WNT5A: variants seen among roughly 807,000 people sequenced by gnomAD.
The protein encoded by WNT5A is Wnt family member 5A.
In WNT5A, 9 loss-of-function variants were observed where a neutral mutation model predicts 42.1. That is an observed-to-expected ratio of 0.21 (90% CI 0.13 to 0.37). The LOEUF is 0.37. Among genes scored for constraint, WNT5A ranks in the 10% least tolerant of loss-of-function variants. WNT5A has a pLI of 1.00. For synonymous variants in WNT5A, 210 were observed against 210.0 expected, an observed-to-expected ratio of 1.00 and a Z score of 0.00; for missense variants, 426 against 534.0, an observed-to-expected ratio of 0.80 and a Z score of 1.99.
chr3:55,481,463 G>A, intron 1 of WNT5A: 1 of 872,136 alleles, frequency 1.1e-6, no homozygotes, highest in Non-Finnish European at 1.4e-6. Flanking sequence ...GATGGGGGCA[G>A]GACGCGGGAG....
At chr3:55,497,458 T>G in the WNT5A span, 12 of 152,232 alleles carry the variant, frequency 7.9e-5, no homozygotes, top group Non-Finnish European at 1.8e-4. Flanking sequence ...ATCCAACAGA[T>G]GAGGCACTTT....
At chr3:55,479,191 G>A in intron 3 of WNT5A, 123 bp downstream of exon 3, 2 of 1,132,724 alleles carry the variant, frequency 1.8e-6, no homozygotes. Context: ...AAATGCCCAA[G>A]CCACCACCCG....
chr3:55,487,369 C>T (rs988103792), upstream of WNT5A: 2 of 282,700 alleles, frequency 7.1e-6, no homozygotes, highest in East Asian at 1.4e-4. Context: ...GCTTTCCAAC[C>T]CCAAATGTGG....
the WNT5A span, among the ~76,000 whole-genome samples, chr3:55,500,087 A>C: frequency 1.3e-5 from 2 of 152,168 alleles, no homozygotes; most frequent in Non-Finnish European, 2.9e-5. Context: ...TGTACCAGGC[A>C]GGGCCACAGA....
rs2051419575 is a variant in WNT5A, at chr3:55,479,579, G to A, written c.141-15C>T. Reference sequence around the variant, plus strand: ...TACCTAGCGACCTGCAAGGGGGGGAGATGTGCATTCAAGATTTACGTGAAA... The same window carrying A: ...TACCTAGCGACCTGCAAGGGGGGGAAATGTGCATTCAAGATTTACGTGAAA... On this transcript the variant is annotated splice_polypyrimidine_tract_variant and intron_variant, in intron 2 of 4. Coordinates refer to ENST00000264634, the MANE Select transcript of WNT5A (RefSeq NM_003392.7). 6.4e-7 allele frequency: 1 copy of A among 1,561,968 alleles called. No individual in the cohort carries two copies. The highest frequency in any genetic ancestry group is 1.4e-5 in the African/African-American group (1 of 73,536).
rs749209503 is a variant in WNT5A at position 55,474,327 on chromosome 3, C to T, written c.684+10G>A. ...AGAGATGCGGGGCGGGGGCGAGACGCGGCACTCACCCTGCGGCCGGCCTCG... is the reference window on the plus strand; with the variant it reads ...AGAGATGCGGGGCGGGGGCGAGACGTGGCACTCACCCTGCGGCCGGCCTCG... On this transcript the variant is annotated intron_variant, in intron 4 of 4. Transcript: ENST00000264634. 3.1e-6 allele frequency: 5 copies of T among 1,612,558 alleles called. No individual in the cohort carries two copies. Among genetic ancestry groups the T allele is most frequent in the Admixed American group, 1.7e-5 (1 of 59,984 alleles).
chr3:55,495,510 T>C (rs2051706405), upstream of WNT5A, among the ~76,000 whole-genome samples: 1 of 152,234 alleles, frequency 6.6e-6, no homozygotes, highest in Admixed American at 6.5e-5. Context: ...TCTCAAATGA[T>C]AAGATTTTCT....
chr3:55,504,591 A>C, the WNT5A span, among the ~76,000 whole-genome samples: 1 of 151,646 alleles, frequency 6.6e-6, no homozygotes, highest in Non-Finnish European at 1.5e-5. Flanking sequence ...CACCCTCCCG[A>C]GTAGCTGAGA....
chr3:55,486,551 C>A (rs2051582571), intron 1 of WNT5A, among the ~76,000 whole-genome samples: 1 of 152,222 alleles, frequency 6.6e-6, no homozygotes, highest in Admixed American at 6.5e-5. Flanking sequence ...TTCCCCATCC[C>A]GAGCCCCGGC....
At chr3:55,503,194 G>A in the WNT5A span, among the ~76,000 whole-genome samples, 2 of 152,340 alleles carry the variant, frequency 1.3e-5, no homozygotes, top group Admixed American at 6.5e-5. Context: ...TGGGATCTGA[G>A]CAAGGACCAG....
At chr3:55,500,653 A>G in the WNT5A span, among the ~76,000 whole-genome samples, 1 of 152,204 alleles carries the variant, frequency 6.6e-6, no homozygotes, top group Non-Finnish European at 1.5e-5. Context: ...AAAGTCTATG[A>G]ATTACTGAAG....
chr3:55,504,853 A>G, the WNT5A span, among the ~76,000 whole-genome samples: 1 of 152,210 alleles, frequency 6.6e-6, no homozygotes, highest in African/African-American at 2.4e-5. Context: ...CACAAACTGA[A>G]CATGATCATG....
rs188798140 is a variant in WNT5A at position 55,479,572 on chromosome 3, G to T, written c.141-8C>A. The T allele has an allele frequency of 2.9e-5, 45 of 1,569,748 alleles. No individual in the cohort carries two copies. In the Middle Eastern group the frequency reaches 5.1e-4, roughly 18 times the overall value. On this transcript the variant is annotated splice_polypyrimidine_tract_variant and splice_region_variant and intron_variant, in intron 2 of 4. Coordinates refer to ENST00000264634, the MANE Select transcript of WNT5A (RefSeq NM_003392.7). Reference sequence around the variant, plus strand: ...TTATTCATACCTAGCGACCTGCAAGGGGGGGAGATGTGCATTCAAGATTTA... The same window carrying T: ...TTATTCATACCTAGCGACCTGCAAGTGGGGGAGATGTGCATTCAAGATTTA...
chr3:55,497,082 C>A, the WNT5A span, among the ~76,000 whole-genome samples: 5 of 152,188 alleles, frequency 3.3e-5, no homozygotes, highest in Non-Finnish European at 7.3e-5. Flanking sequence ...CAGATCACAC[C>A]GGTTTGTCCA....
intron 1 of WNT5A, among the ~76,000 whole-genome samples, chr3:55,482,432 A>G (rs1413407576): frequency 6.6e-6 from 1 of 152,194 alleles, no homozygotes; most frequent in African/African-American, 2.4e-5. Context: ...CCCCTTCCAC[A>G]GAAAAGAAAA....
upstream of WNT5A, chr3:55,488,112 C>G (rs1363055011): frequency 6.6e-6 from 1 of 152,350 alleles, no homozygotes; most frequent in Non-Finnish European, 1.5e-5. Flanking sequence ...CCCACCTCCT[C>G]GTTTGGCGCC....
upstream of WNT5A, among the ~76,000 whole-genome samples, chr3:55,492,233 G>A (rs912985063): frequency 1.4e-5 from 2 of 143,324 alleles, no homozygotes; most frequent in South Asian, 2.2e-4. Context: ...GCTTTGTGGC[G>A]GGGGGGCACT....
chr3:55,500,840 T>A, the WNT5A span, among the ~76,000 whole-genome samples: 1 of 152,188 alleles, frequency 6.6e-6, no homozygotes, highest in Non-Finnish European at 1.5e-5. Context: ...GGACTTTCCT[T>A]AGTTATAAAG....
At chr3:55,477,583 T>C (rs1390893439) in intron 3 of WNT5A, among the ~76,000 whole-genome samples, 1 of 152,182 alleles carries the variant, frequency 6.6e-6, no homozygotes, top group East Asian at 1.9e-4. Flanking sequence ...GAGAGCATAC[T>C]TTCCAGGGAC....
Sources: gnomAD v4.1 joint callset for allele counts (sites outside exome capture counted in the v4.1 genomes callset) on GRCh38, gnomAD v4.1.1 for gene constraint, MANE v1.5 for transcripts, NCBI Gene and HGNC (gene_info 2026-07-23, HGNC 2026-07-21) for gene names.